Variants in TEX264 observed in about 807,000 individuals in gnomAD.
The protein encoded by TEX264 is testis-expressed protein 264.
Under a neutral mutation model 23.4 loss-of-function variants are expected in TEX264, and 13 were observed. The observed-to-expected ratio is 0.56, with a 90% CI of 0.36 to 0.88. The LOEUF is 0.88. Ranked by LOEUF, TEX264 falls within the 40% of genes least tolerant of loss-of-function variation. The probability of loss-of-function intolerance (pLI) is 0.01; values close to 1 mark genes in which losing one functional copy is unlikely to be tolerated. For missense variants in TEX264, 340 were observed against 406.8 expected, an observed-to-expected ratio of 0.84 and a Z score of 1.41; for synonymous variants, 159 against 170.0, an observed-to-expected ratio of 0.94 and a Z score of 0.50.
intron 3 of TEX264, among the ~76,000 whole-genome samples, chr3:51,690,370 A>G (rs959900277): frequency 1.3e-5 from 2 of 152,134 alleles, no homozygotes; most frequent in Admixed American, 6.5e-5. Context: ...CATCTTTACT[A>G]AAAGTACAAA....
chr3:51,703,790 C>T lies in TEX264; in HGVS notation c.716C>T (p.Ser239Leu), dbSNP rs1298403063. ...GTGAGCCCTGGCAGCCGGGAGACTTCAGCTGCCACACTGTCACCTGGGGCG... is the reference window on the plus strand; with the variant it reads ...GTGAGCCCTGGCAGCCGGGAGACTTTAGCTGCCACACTGTCACCTGGGGCG... ...LEVSPGSRET[S>L]AATLSPGASS... The change falls in exon 5 of 5, where the codon TCA becomes TTA. Residue 239 changes from serine (S) to leucine (L), a missense_variant. Transcript: ENST00000341333. This position sits in a 1 kb window ranked among gnomAD's most constrained non-coding sequence, Gnocchi z 4.8. The T allele has an allele frequency of 6.2e-7, 1 of 1,609,028 alleles. No individual in the cohort carries two copies. Among genetic ancestry groups the T allele is most frequent in the Admixed American group, 1.7e-5 (1 of 59,906 alleles).
At chr3:51,678,925 T>G (rs1229259634) in intron 2 of TEX264, among the ~76,000 whole-genome samples, 1 of 152,210 alleles carries the variant, frequency 6.6e-6, no homozygotes, top group Non-Finnish European at 1.5e-5. Context: ...CTGGGATGTT[T>G]CCTGAGGGCT....
chr3:51,688,743 G>C (rs1702716896), intron 3 of TEX264, among the ~76,000 whole-genome samples: 1 of 152,134 alleles, frequency 6.6e-6, no homozygotes, highest in Non-Finnish European at 1.5e-5. Flanking sequence ...AAGTAAGGAG[G>C]GGTCACCGAA....
intron 2 of TEX264, among the ~76,000 whole-genome samples, chr3:51,679,105 C>T (rs17081501): frequency 0.038 from 5,810 of 152,236 alleles, 391 homozygotes; most frequent in African/African-American, 0.13. Context: ...GAGGAAGGGG[C>T]TTCGGATTTG....
intron 3 of TEX264, among the ~76,000 whole-genome samples, chr3:51,695,297 G>A (rs962743751): frequency 6.6e-6 from 1 of 152,204 alleles, no homozygotes; most frequent in Non-Finnish European, 1.5e-5. Context: ...GCTTATGTAG[G>A]AGATGTGACC....
intron 2 of TEX264, chr3:51,683,345 G>A (rs1284364950): frequency 6.6e-6 from 1 of 152,316 alleles, no homozygotes; most frequent in Non-Finnish European, 1.5e-5. Flanking sequence ...GTGAGACAAA[G>A]TGAGGCCTCT....
At chr3:51,676,672 C>G (rs781682862) in intron 2 of TEX264, among the ~76,000 whole-genome samples, 1 of 152,186 alleles carries the variant, frequency 6.6e-6, no homozygotes, top group Non-Finnish European at 1.5e-5. Flanking sequence ...GATAAAATAC[C>G]TGCTTCATAG....
At chr3:51,675,117 C>A (rs906507846) in intron 2 of TEX264, among the ~76,000 whole-genome samples, 1 of 152,186 alleles carries the variant, frequency 6.6e-6, no homozygotes, top group African/African-American at 2.4e-5. Context: ...CCTTAGACCT[C>A]AAGCTGGTGC....
intron 2 of TEX264, among the ~76,000 whole-genome samples, chr3:51,675,199 C>G (rs532006153): frequency 1.3e-5 from 2 of 152,348 alleles, no homozygotes. Flanking sequence ...AAGTCAAAAA[C>G]TAATCCAGCA....
In TEX264 at chr3:51,694,068, TCC is replaced by T. The variant is rs1405488640; in HGVS notation, c.481-5335_481-5334del. ...CTTCCTCCCTTCCCTTCCCTTCCCT[TCC>T]CCTTCCTTCCGTCCGTCCTTCCTTC... is the stretch of plus-strand genomic sequence containing the variant. On this transcript the variant is annotated intron_variant, in intron 3 of 4. Transcript: ENST00000341333. Among the ~76,000 whole-genome samples, 133 of 113,012 alleles carry T rather than the reference TCC, an allele frequency of 1.2e-3. 2 individuals carry two copies. The highest frequency in any genetic ancestry group is 3.6e-3 in the African/African-American group (111 of 30,440). 74.1% of individuals were successfully genotyped at this position (113,012 alleles called of 152,430 possible). A position where few individuals can be genotyped will look rare whatever the true frequency, so the allele number is the denominator to read the frequency against.
chr3:51,678,889 C>G (rs1483498619), intron 2 of TEX264, among the ~76,000 whole-genome samples: 1 of 152,184 alleles, frequency 6.6e-6, no homozygotes, highest in Non-Finnish European at 1.5e-5. Context: ...GACTGACCTC[C>G]TCAACAAAGG....
chr3:51,684,480 C>T lies in TEX264; in HGVS notation c.326C>T (p.Pro109Leu). 6.2e-7 allele frequency: 1 copy of T among 1,614,242 alleles called. No individual in the cohort carries two copies. The stretch of plus-strand genomic sequence containing the variant: ...AGTGAAGGTGAGGAATCGCCCTCCC[C>T]TGAGCTCATCGACCTCTACCAGAAA... ...ILSEGEESPS[P>L]ELIDLYQKFG... The change falls in exon 3 of 5, where the codon CCT becomes CTT. Residue 109 changes from proline to leucine, a missense_variant. By Grantham distance (98) the Pro-to-Leu change is moderately conservative. Transcript: ENST00000341333.
rs756522578 is a variant in TEX264 at position 51,703,846 on chromosome 3, C to T, written c.772C>T (p.Arg258Cys). 5.6e-6 allele frequency: 9 copies of T among 1,613,048 alleles called. No individual in the cohort carries two copies. In the East Asian group the frequency reaches 6.7e-5, roughly 12 times the overall value. ...CCGTGGCTGGGATGACGGTGACACC[C>T]GCAGCGAGCACAGCTACAGCGAGTC... is the stretch of plus-strand genomic sequence containing the variant. ...SSRGWDDGDT[R>C]SEHSYSESGA... Residue 258 changes from arginine (R) to cysteine (C), a missense_variant, in exon 5 of 5, where the codon CGC becomes TGC. Transcript: ENST00000341333. The surrounding 1 kb of genome is among the most constrained non-coding windows in gnomAD (Gnocchi z 4.8).
At chr3:51,671,656 T>TG (rs1268620527) in intron 1 of TEX264, 2 of 154,622 alleles carry the variant, frequency 1.3e-5, no homozygotes, top group African/African-American at 2.4e-5. Context: ...CAGACGTGCG[T>TG]GGGGCTCCGT....
At chr3:51,678,947 CT>C (rs917846631) in intron 2 of TEX264, among the ~76,000 whole-genome samples, 7 of 152,224 alleles carry the variant, frequency 4.6e-5, no homozygotes, top group African/African-American at 1.4e-4. Flanking sequence ...AGGCCGCCCC[CT>C]ATCCTGGTTA....
chr3:51,680,796 T>C (rs1702403518), intron 2 of TEX264, among the ~76,000 whole-genome samples: 1 of 152,202 alleles, frequency 6.6e-6, no homozygotes, highest in Non-Finnish European at 1.5e-5. Flanking sequence ...CAGATACTCA[T>C]TGAGCCAAGG....
chr3:51,690,202 C>T (rs991240414), intron 3 of TEX264, among the ~76,000 whole-genome samples: 2 of 152,190 alleles, frequency 1.3e-5, no homozygotes, highest in South Asian at 4.1e-4. Flanking sequence ...GGGGCCAAAA[C>T]ACCAGTGCAG....
At chr3:51,676,121 T>C (rs1397888233) in intron 2 of TEX264, among the ~76,000 whole-genome samples, 1 of 152,044 alleles carries the variant, frequency 6.6e-6, no homozygotes, top group Non-Finnish European at 1.5e-5. Context: ...CAGTGGGCTA[T>C]GGGGAGCTCC....
chr3:51,701,911 C>T (rs929509994), intron 4 of TEX264, among the ~76,000 whole-genome samples: 4 of 152,340 alleles, frequency 2.6e-5, no homozygotes, highest in East Asian at 1.9e-4. Context: ...GGATTACAGG[C>T]GTGAGCCACC....
Sources: gnomAD v4.1 joint callset for allele counts (sites outside exome capture counted in the v4.1 genomes callset) on GRCh38, gnomAD v4.1.1 for gene constraint, Gnocchi (gnomAD v3.1) non-coding constraint, MANE v1.5 for transcripts, NCBI Gene and HGNC (gene_info 2026-07-23, HGNC 2026-07-21) for gene names.